Variants in CDH12 observed in about 807,000 individuals in gnomAD.
CDH12 encodes cadherin-12.
A neutral mutation model predicts 74.1 loss-of-function variants in CDH12; 41 were observed. That is an observed-to-expected ratio of 0.55 (90% confidence interval 0.43 to 0.72). CDH12 has a LOEUF of 0.72. Ranked by LOEUF, CDH12 falls within the 30% of genes least tolerant of loss-of-function variation. The pLI is 0.00. For missense variants in CDH12, 945 were observed against 977.2 expected, an observed-to-expected ratio of 0.97 and a Z score of 0.44; for synonymous variants, 399 against 355.0, an observed-to-expected ratio of 1.12 and a Z score of -1.39.
intron 1 of CDH12, among the ~76,000 whole-genome samples, chr5:22,695,493 C>T (rs1367155912): frequency 6.6e-6 from 1 of 152,094 alleles, no homozygotes; most frequent in African/African-American, 2.4e-5. Flanking sequence ...CTTCAACAAA[C>T]CTGACAAAAA....
At chr5:22,578,835 T>A (rs1337846961) in intron 1 of CDH12, among the ~76,000 whole-genome samples, 1 of 152,170 alleles carries the variant, frequency 6.6e-6, no homozygotes, top group Non-Finnish European at 1.5e-5. Context: ...ATCATTCCAG[T>A]CTTGAATTGT....
At chr5:22,331,427 T>A (rs1473444894) in intron 3 of CDH12, among the ~76,000 whole-genome samples, 3 of 152,290 alleles carry the variant, frequency 2.0e-5, no homozygotes, top group Non-Finnish European at 4.4e-5. Context: ...AGTCTCTGCC[T>A]GGTAATCCAT....
At chr5:21,856,511 T>G (rs1378940976) in intron 6 of CDH12, among the ~76,000 whole-genome samples, 1 of 151,796 alleles carries the variant, frequency 6.6e-6, no homozygotes, top group Non-Finnish European at 1.5e-5. Context: ...AAATAAGAAA[T>G]ATTTAGTGAA....
intron 3 of CDH12, among the ~76,000 whole-genome samples, chr5:22,280,436 T>A (rs1399503305): frequency 6.6e-6 from 1 of 152,076 alleles, no homozygotes; most frequent in African/African-American, 2.4e-5. Flanking sequence ...ATCCAGGAGC[T>A]GGTTTTTTGA....
chr5:21,873,494 C>A (rs955272029), intron 6 of CDH12, among the ~76,000 whole-genome samples: 1 of 152,168 alleles, frequency 6.6e-6, no homozygotes, highest in Non-Finnish European at 1.5e-5. Flanking sequence ...TTGTCACAGA[C>A]CAGAGGCCAC....
chr5:22,439,897 G>C (rs1020812545), intron 2 of CDH12, among the ~76,000 whole-genome samples: 2 of 151,928 alleles, frequency 1.3e-5, no homozygotes, highest in African/African-American at 4.8e-5. Context: ...TCATATAATA[G>C]GGAGCTCTTT....
chr5:22,192,225 T>C (rs1281020611), intron 4 of CDH12, among the ~76,000 whole-genome samples: 1 of 152,170 alleles, frequency 6.6e-6, no homozygotes, highest in African/African-American at 2.4e-5. Flanking sequence ...TGAGTCACCA[T>C]GCCTGGCAGT....
chr5:22,517,580 C>A (rs544636423), intron 1 of CDH12, among the ~76,000 whole-genome samples: 2 of 152,272 alleles, frequency 1.3e-5, no homozygotes, highest in African/African-American at 4.8e-5. Flanking sequence ...TAAAACCTTT[C>A]TTTTAAACTA....
chr5:22,618,696 T>C (rs1421116083), intron 1 of CDH12, among the ~76,000 whole-genome samples: 1 of 152,146 alleles, frequency 6.6e-6, no homozygotes, highest in Non-Finnish European at 1.5e-5. Flanking sequence ...ATCTTGGGCA[T>C]GAAATTCTAA....
At chr5:21,803,265 T>C (rs901543288) in intron 9 of CDH12, among the ~76,000 whole-genome samples, 7 of 152,152 alleles carry the variant, frequency 4.6e-5, no homozygotes, top group African/African-American at 1.7e-4. Flanking sequence ...TAGATCTTTT[T>C]TTATTTTTTT....
rs150792924 is a variant in CDH12, at chr5:22,061,509, A to C, written c.231+16937T>G. 3.2e-3 allele frequency among the ~76,000 whole-genome samples: 493 copies of C among 152,242 alleles called. 1 individual carries two copies. The highest frequency in any genetic ancestry group is 0.011 in the African/African-American group (458 of 41,566). On this transcript the variant is annotated intron_variant, in intron 5 of 14. Transcript: ENST00000382254. ...AAGTTGTCAGAAGATGAGAATATTA[A>C]ATTTGAAATCCTTATCATTCTGCTC...
intron 7 of CDH12, among the ~76,000 whole-genome samples, chr5:21,854,024 A>G (rs185854330): frequency 8.2e-4 from 125 of 151,850 alleles, no homozygotes; most frequent in African/African-American, 2.8e-3. Flanking sequence ...TTAGAAATAG[A>G]GTGACCTCAT....
In CDH12 at chr5:22,212,016, A is replaced by T. The variant is rs545399514; in HGVS notation, c.-187+482T>A. On this transcript the variant is annotated intron_variant, in intron 4 of 14. Transcript: ENST00000382254. Reference sequence around the variant, plus strand: ...AGTTCCAAATGGATACTATTAAAATATTCAGGGATTTAGTCCTAAATCCTT... The same window carrying T: ...AGTTCCAAATGGATACTATTAAAATTTTCAGGGATTTAGTCCTAAATCCTT... 3.2e-3 allele frequency among the ~76,000 whole-genome samples: 483 copies of T among 151,666 alleles called. 6 individuals carry two copies. Among genetic ancestry groups the T allele is most frequent in the African/African-American group, 0.011 (476 of 41,398 alleles).
At chr5:22,213,019 G>T (rs1046824840) in intron 3 of CDH12, among the ~76,000 whole-genome samples, 2 of 152,140 alleles carry the variant, frequency 1.3e-5, no homozygotes, top group Non-Finnish European at 2.9e-5. Context: ...TGTTTTTCAA[G>T]GTGCCTTCGT....
intron 1 of CDH12, among the ~76,000 whole-genome samples, chr5:22,545,902 A>G (rs1248873829): frequency 6.6e-6 from 1 of 152,064 alleles, no homozygotes; most frequent in East Asian, 1.9e-4. Flanking sequence ...GTTATACAGT[A>G]ATGTCACTTA....
intron 4 of CDH12, among the ~76,000 whole-genome samples, chr5:22,083,451 T>C (rs546497586): frequency 1.3e-5 from 2 of 152,284 alleles, no homozygotes; most frequent in South Asian, 4.1e-4. Flanking sequence ...GCCTATTTTA[T>C]CAGCCATTCT....
At chr5:22,737,518 G>A (rs1025813403) in intron 1 of CDH12, among the ~76,000 whole-genome samples, 3 of 151,640 alleles carry the variant, frequency 2.0e-5, no homozygotes, top group African/African-American at 7.3e-5. Flanking sequence ...AAATTATAAC[G>A]TGAGAAAAAT....
At chr5:22,262,114 C>T (rs193081059) in intron 3 of CDH12, among the ~76,000 whole-genome samples, 1 of 151,434 alleles carries the variant, frequency 6.6e-6, no homozygotes, top group East Asian at 1.9e-4. Flanking sequence ...GTAATGCATA[C>T]ACTATTTCTT....
intron 1 of CDH12, among the ~76,000 whole-genome samples, chr5:22,635,805 T>C (rs751135279): frequency 6.6e-6 from 1 of 151,778 alleles, no homozygotes; most frequent in Non-Finnish European, 1.5e-5. Context: ...TCCCAGCTAC[T>C]CAGGAGGATG....
Sources: gnomAD v4.1 joint callset for allele counts (sites outside exome capture counted in the v4.1 genomes callset) on GRCh38, gnomAD v4.1.1 for gene constraint, MANE v1.5 for transcripts, NCBI Gene and HGNC (gene_info 2026-07-23, HGNC 2026-07-21) for gene names.